Variants in CPXM2 observed in about 807,000 individuals in gnomAD.
CPXM2 encodes carboxypeptidase X, M14 family member 2.
CPXM2 carries 66 observed loss-of-function variants against 86.1 expected under a neutral mutation model. The observed-to-expected ratio is 0.77, with a 90% confidence interval of 0.63 to 0.94. The LOEUF (loss-of-function observed/expected upper bound fraction) is 0.94. Ranked by LOEUF, CPXM2 falls within the 40% of genes least tolerant of loss-of-function variation. CPXM2 has a pLI of 0.00. For synonymous variants in CPXM2, 388 were observed against 400.2 expected (o/e 0.97, Z 0.36); for missense variants, 948 against 1,026.3 (o/e 0.92, Z 1.04).
Position 123,891,599 on chromosome 10 carries a change from CCAGGGT to C in CPXM2, c.55_60del (p.Thr19_Leu20del). The C allele has an allele frequency of 2.0e-6, 3 of 1,524,460 alleles. No homozygotes were observed. In the South Asian group the frequency reaches 3.7e-5, roughly 19 times the overall value. 94.4% of individuals were successfully genotyped at this position (1,524,460 alleles called of 1,614,324 possible). A position where few individuals can be genotyped will look rare whatever the true frequency, so the allele number is the denominator to read the frequency against. On this transcript the variant is annotated inframe_deletion, in exon 1 of 14. Transcript: ENST00000241305. The surrounding 1 kb of genome is among the most constrained non-coding windows in gnomAD (Gnocchi z 5.6). ...GCTGCGCCCTGGGCTCCGACCCCGG[CCAGGGT>C]CACTGCCAGGAGCACCAGGGCCAGC...
chr10:123,909,479 T>C (rs189370127), intron 2 of CPXM2, among the ~76,000 whole-genome samples: 1 of 152,374 alleles, frequency 6.6e-6, no homozygotes, highest in African/African-American at 2.4e-5. Context: ...AGGCTCCACC[T>C]GACAAGCGGA....
At chr10:123,755,090 G>C (rs757250501) in intron 12 of CPXM2, among the ~76,000 whole-genome samples, 2 of 152,254 alleles carry the variant, frequency 1.3e-5, no homozygotes, top group Non-Finnish European at 2.9e-5. Context: ...TAGTGAGCAA[G>C]GGCAGCGGTC....
At chr10:123,850,958 A>T (rs1249142001) in intron 3 of CPXM2, among the ~76,000 whole-genome samples, 1 of 152,214 alleles carries the variant, frequency 6.6e-6, no homozygotes, top group South Asian at 2.1e-4. Context: ...GCTACTTTAC[A>T]TTCCCAGCAT....
At chr10:123,786,392 A>G (rs1847056368) in intron 6 of CPXM2, among the ~76,000 whole-genome samples, 1 of 152,182 alleles carries the variant, frequency 6.6e-6, no homozygotes, top group African/African-American at 2.4e-5. Flanking sequence ...TGAGAGACAG[A>G]GGCCCTGCTT....
rs778678694 is a variant in CPXM2 at position 123,888,636 on chromosome 10, CCTAA to C, written c.304+2716_304+2719del. Reference sequence around the variant, plus strand: ...ACTGCACAAAACTGTCACTGATTCCCCTAACTAAGTTCACGCTTAAACCAGTCTT... The same window carrying C: ...ACTGCACAAAACTGTCACTGATTCCCCTAAGTTCACGCTTAAACCAGTCTT... On this transcript the variant is annotated intron_variant, in intron 1 of 13. Coordinates refer to ENST00000241305, the MANE Select transcript of CPXM2 (RefSeq NM_198148.3). Among the ~76,000 whole-genome samples the C allele has an allele frequency of 9.2e-5, 14 of 152,320 alleles. No individual in the cohort carries two copies. In the East Asian group the frequency reaches 1.4e-3, roughly 15 times the overall value.
chr10:123,789,747 C>T (rs1419883167), intron 6 of CPXM2, among the ~76,000 whole-genome samples: 1 of 152,134 alleles, frequency 6.6e-6, no homozygotes, highest in Admixed American at 6.5e-5. Context: ...GATGCAGTAG[C>T]CCCTACTGCT....
upstream of CPXM2, among the ~76,000 whole-genome samples, chr10:123,941,856 C>A (rs749383766): frequency 6.6e-6 from 1 of 152,180 alleles, no homozygotes; most frequent in Admixed American, 6.5e-5. Context: ...ATCTGAGATG[C>A]GGATGAAGCA....
In CPXM2 at chr10:123,780,222, A is replaced by C. The variant is rs770057188; in HGVS notation, c.923T>G (p.Met308Arg). The C allele has an allele frequency of 1.2e-6, 2 of 1,611,378 alleles. No homozygotes were observed. Among genetic ancestry groups the C allele is most frequent in the South Asian group, 2.2e-5 (2 of 91,038 alleles). ...PNNYYHRRNE[M>R]TTTDDLDFKH... is the part of the protein sequence containing the mutation. Reference sequence around the variant, plus strand: ...AAAATCCAGGTCATCAGTGGTGGTCATCTCGTTCCGGCGGTGATAATAATT... The same window carrying C: ...AAAATCCAGGTCATCAGTGGTGGTCCTCTCGTTCCGGCGGTGATAATAATT... Residue 308 changes from methionine to arginine, a missense_variant, in exon 7 of 14, where the codon ATG (methionine) becomes AGG (arginine). Physicochemically the swap from Met to Arg is moderately conservative, Grantham distance 91 (BLOSUM62 -1). Transcript: ENST00000241305.
chr10:123,795,341 G>T (rs548584288), intron 6 of CPXM2, among the ~76,000 whole-genome samples: 2 of 152,154 alleles, frequency 1.3e-5, no homozygotes, highest in Non-Finnish European at 2.9e-5. Flanking sequence ...GAAACATTAT[G>T]CATAGAGTCT....
chr10:123,787,907 TAA>T (rs1323992842), intron 6 of CPXM2, among the ~76,000 whole-genome samples: 1 of 152,138 alleles, frequency 6.6e-6, no homozygotes, highest in Non-Finnish European at 1.5e-5. Flanking sequence ...CCCATTTTTC[TAA>T]GAGATGGTTT....
At chr10:123,830,528 C>A (rs1848141809) in intron 4 of CPXM2, among the ~76,000 whole-genome samples, 1 of 152,120 alleles carries the variant, frequency 6.6e-6, no homozygotes. Flanking sequence ...GTAGGGAAAG[C>A]ACTATTAAAT....
chr10:123,911,208 C>A (rs1453493495), intron 2 of CPXM2, among the ~76,000 whole-genome samples: 1 of 152,186 alleles, frequency 6.6e-6, no homozygotes. Flanking sequence ...TTCTCTTGAT[C>A]TATCTAGTTT....
intron 2 of CPXM2, among the ~76,000 whole-genome samples, chr10:123,926,894 A>C (rs933167751): frequency 8.5e-5 from 13 of 152,178 alleles, no homozygotes; most frequent in Non-Finnish European, 1.9e-4. Context: ...TTCATTAGTC[A>C]CTTCTGTTAA....
At position 123,757,264 on chromosome 10, in the gene CPXM2, C is replaced by A; in HGVS notation, c.1866G>T (p.Leu622=). 1.2e-6 allele frequency: 2 copies of A among 1,614,020 alleles called. No homozygotes were observed. Among genetic ancestry groups the A allele is most frequent in the Non-Finnish European group, 1.7e-6 (2 of 1,179,872 alleles). Residue 622 remains leucine, a synonymous_variant, in exon 12 of 14, where the codon CTG becomes CTT. Coordinates refer to ENST00000241305, the MANE Select transcript of CPXM2 (RefSeq NM_198148.3). ...GCDKYPHESQ[L]PEEWENNRES... is the part of the protein sequence containing the mutation. ...CCCGGTTATTCTCCCACTCCTCGGG[C>A]AGCTGGCTCTCATGTGGGTATTTAT...
At chr10:123,928,631 T>C (rs1052632225) in intron 2 of CPXM2, among the ~76,000 whole-genome samples, 4 of 152,218 alleles carry the variant, frequency 2.6e-5, no homozygotes, top group African/African-American at 7.2e-5. Flanking sequence ...CTAGCCACCA[T>C]GCTGTGAGGA....
rs760775054 is a variant in CPXM2, at chr10:123,798,085, A to AT, written c.779dup (p.Asn260LysfsTer2). The stretch of plus-strand genomic sequence containing the variant: ...GGGCCACCATGGGGACGGGTAGCTC[A>AT]TTGAGAACAGGGATCTCCTTCTCAC... On this transcript the variant is annotated frameshift_variant, in exon 6 of 14. Coordinates refer to ENST00000241305, the MANE Select transcript of CPXM2 (RefSeq NM_198148.3). LOFTEE classifies it high-confidence loss of function. 18 of 1,610,852 alleles carry AT rather than the reference A, an allele frequency of 1.1e-5. No individual in the cohort carries two copies. In the South Asian group the frequency reaches 2.0e-4, roughly 18 times the overall value.
In CPXM2 at chr10:123,934,695, G is replaced by A. The variant is rs74744362; in HGVS notation, n.174+4782C>T. The stretch of plus-strand genomic sequence containing the variant: ...ACGCACCAGGAACAAGCCTGATGGG[G>A]AAGCTCTGTGTTCACCCATGGGAGG... On this transcript the variant is annotated intron_variant and non_coding_transcript_variant, in intron 2 of 19. Transcript: ENST00000368854. Among the ~76,000 whole-genome samples, 552 of 152,186 alleles carry A rather than the reference G, an allele frequency of 3.6e-3. 25 individuals are homozygous for A. In the East Asian group the frequency reaches 0.088, roughly 24 times the overall value.
At chr10:123,765,980 C>A (rs1347912012) in intron 10 of CPXM2, among the ~76,000 whole-genome samples, 1 of 152,240 alleles carries the variant, frequency 6.6e-6, no homozygotes, top group East Asian at 1.9e-4. Context: ...CATTTCCCAG[C>A]CTTCCTTGCA....
chr10:123,750,845 C>T, intron 13 of CPXM2: 1 of 985,458 alleles, frequency 1.0e-6, no homozygotes, highest in Non-Finnish European at 1.2e-6. Context: ...GCAGGGCACG[C>T]TGTCCTCAGT....
Sources: allele counts gnomAD v4.1 joint callset (sites outside exome capture counted in the v4.1 genomes callset), GRCh38; gene constraint gnomAD v4.1.1; non-coding constraint Gnocchi (gnomAD v3.1); transcripts MANE v1.5; gene names NCBI Gene and HGNC (gene_info 2026-07-23, HGNC 2026-07-21).